The following CNTRL variants were observed in gnomAD, a reference collection of about 807,000 sequenced individuals.
The protein encoded by CNTRL is centriolin, also known as 110 kDa centrosomal protein.
Under a neutral mutation model 303.7 loss-of-function variants are expected in CNTRL, and 233 were observed. That is an observed-to-expected ratio of 0.77 (90% CI 0.69 to 0.86). CNTRL has a LOEUF of 0.86. Among genes scored for constraint, CNTRL ranks in the 40% least tolerant of loss-of-function variants. The pLI is 0.00. For missense variants in CNTRL, 2,524 were observed against 2,650.6 expected, an observed-to-expected ratio of 0.95 and a Z score of 1.05; for synonymous variants, 900 against 922.2, an observed-to-expected ratio of 0.98 and a Z score of 0.44.
chr9:121,134,371 A>G (rs1009634971), intron 14 of CNTRL, among the ~76,000 whole-genome samples: 6 of 151,278 alleles, frequency 4.0e-5, no homozygotes, highest in African/African-American at 1.5e-4. Flanking sequence ...GCTCACTGCA[A>G]CCTCCGCCTC....
At chr9:121,134,760 T>C (rs556796289) in intron 14 of CNTRL, among the ~76,000 whole-genome samples, 1 of 152,352 alleles carries the variant, frequency 6.6e-6, no homozygotes, top group South Asian at 2.1e-4. Flanking sequence ...CTTGTATCTC[T>C]ATGTTCTATG....
chr9:121,125,896 A>C lies in CNTRL; in HGVS notation c.1985A>C (p.Gln662Pro). 1.2e-6 allele frequency: 2 copies of C among 1,614,232 alleles called. No individual in the cohort carries two copies. The highest frequency in any genetic ancestry group is 1.7e-6 in the Non-Finnish European group (2 of 1,180,026). ...ACAGAAGTCGAGCAGGAGAGAGACCAGCTGGAAATAGTTGCCATGGATGCA... is the reference window on the plus strand; with the variant it reads ...ACAGAAGTCGAGCAGGAGAGAGACCCGCTGGAAATAGTTGCCATGGATGCA... ...RLTEVEQERD[Q>P]LEIVAMDAEN... Residue 662 changes from glutamine to proline, a missense_variant, in exon 14 of 44, where the codon CAG becomes CCG. Gln to Pro is a moderately conservative substitution (Grantham distance 76). Transcript: ENST00000373855.
Position 121,167,650 on chromosome 9 carries a change from C to T in CNTRL, c.5817C>T (p.Asn1939=), listed in dbSNP as rs1273668495. 8.1e-6 allele frequency: 13 copies of T among 1,613,948 alleles called. No individual in the cohort carries two copies. The highest frequency in any genetic ancestry group is 6.7e-5 in the African/African-American group (5 of 74,930). ...TGCTTCAGAATGAGATTGAAGAAAA[C>T]AAGCTCAAACTAGTCCAACAAGAAA... The part of the protein sequence containing the change: ...LQVLQNEIEE[N]KLKLVQQEMM... The change falls in exon 37 of 44, where the codon AAC becomes AAT. Residue 1939 remains asparagine, a synonymous_variant. Coordinates refer to ENST00000373855, the MANE Select transcript of CNTRL (RefSeq NM_007018.6).
chr9:121,122,024 T>TAAAA, intron 12 of CNTRL: 1 of 677,962 alleles, frequency 1.5e-6, no homozygotes, highest in Non-Finnish European at 1.8e-6. Flanking sequence ...TTCCTGTTTT[T>TAAAA]ACAATAACTC....
intron 8 of CNTRL, among the ~76,000 whole-genome samples, chr9:121,110,100 T>C (rs375116478): frequency 6.6e-6 from 1 of 152,294 alleles, no homozygotes; most frequent in East Asian, 1.9e-4. Context: ...GGCCAATTAA[T>C]GTATAAAAGA....
chr9:121,147,264 A>G (rs1480084825), intron 23 of CNTRL, among the ~76,000 whole-genome samples: 1 of 152,108 alleles, frequency 6.6e-6, no homozygotes, highest in African/African-American at 2.4e-5. Flanking sequence ...TGGCCTCCCA[A>G]AGTTCTGGGA....
rs1260748351 is a variant in CNTRL, at chr9:121,165,170, C to T, written c.5581+70C>T. 21 of 1,397,516 alleles carry T rather than the reference C, an allele frequency of 1.5e-5. No homozygotes were observed. The East Asian group carries it at 1.7e-4, about 12-fold the overall frequency. 86.6% of individuals were successfully genotyped at this position (1,397,516 alleles called of 1,614,324 possible). ...TCGTTAGATTCTTTGATTTTTCTTA[C>T]GACAAGTAATTCCTGCTAATGAGCA... On this transcript the variant is annotated intron_variant, in intron 35 of 43. Coordinates refer to ENST00000373855, the MANE Select transcript of CNTRL (RefSeq NM_007018.6).
intron 20 of CNTRL, 30 bp from the exon 21 acceptor site, chr9:121,144,813 G>T (rs1219905036): frequency 4.0e-6 from 6 of 1,507,564 alleles, no homozygotes; most frequent in Non-Finnish European, 4.6e-6. Flanking sequence ...TGATAGCAGT[G>T]GTGCCTTTCT....
At position 121,088,527 on chromosome 9, in the gene CNTRL, C is replaced by T; in HGVS notation, c.201C>T (p.Asp67=). The T allele has an allele frequency of 6.2e-7, 1 of 1,600,484 alleles. No homozygotes were observed. Among genetic ancestry groups the T allele is most frequent in the Non-Finnish European group, 8.6e-7 (1 of 1,167,770 alleles). ...CAGATGAAAACAATATGCTTTTGGA[C>T]TATCAAGACCATAAAGGTATCACTT... The part of the protein sequence containing the change: ...EIADENNMLL[D]YQDHKGADSH... The change falls in exon 3 of 44, where the codon GAC becomes GAT. Residue 67 remains aspartate, a synonymous_variant. Transcript: ENST00000373855.
chr9:121,157,978 T>C lies in CNTRL; in HGVS notation c.4638-5T>C. ...ATCTGCTCTAGTGTTGCTGGTGCTT[T>C]GTAGGCTTCAGAAACTACAGAAAGA... On this transcript the variant is annotated splice_polypyrimidine_tract_variant and splice_region_variant and intron_variant, in intron 29 of 43. Coordinates refer to ENST00000373855, the MANE Select transcript of CNTRL (RefSeq NM_007018.6). 6.2e-7 allele frequency: 1 copy of C among 1,614,146 alleles called. No homozygotes were observed. Among genetic ancestry groups the C allele is most frequent in the Non-Finnish European group, 8.5e-7 (1 of 1,179,988 alleles).
chr9:121,140,438 G>C (rs559450811), intron 16 of CNTRL, among the ~76,000 whole-genome samples: 29 of 152,334 alleles, frequency 1.9e-4, no homozygotes, highest in African/African-American at 7.0e-4. Flanking sequence ...CATGTTAATT[G>C]CATTCTAAAT....
chr9:121,149,916 AAATT>A (rs768075974), intron 24 of CNTRL, among the ~76,000 whole-genome samples: 1 of 152,260 alleles, frequency 6.6e-6, no homozygotes, highest in Non-Finnish European at 1.5e-5. Context: ...ATTAATGAAT[AAATT>A]AGCAAATGCA....
intron 2 of CNTRL, among the ~76,000 whole-genome samples, chr9:121,083,254 T>C (rs2048215961): frequency 6.6e-6 from 1 of 152,244 alleles, no homozygotes; most frequent in African/African-American, 2.4e-5. Flanking sequence ...TTATAAACTT[T>C]AAACTTTTTA....
intron 5 of CNTRL, among the ~76,000 whole-genome samples, chr9:121,095,794 G>C (rs2048866796): frequency 6.6e-6 from 1 of 152,192 alleles, no homozygotes; most frequent in Admixed American, 6.5e-5. Flanking sequence ...TATTTACCCA[G>C]TGTAGATAGA....
rs2048429863 is a variant in CNTRL, at chr9:121,088,403, C to G, written c.77C>G (p.Ser26Cys). The G allele has an allele frequency of 6.2e-7, 1 of 1,612,814 alleles. No individual in the cohort carries two copies. Among genetic ancestry groups the G allele is most frequent in the Non-Finnish European group, 8.5e-7 (1 of 1,178,792 alleles). ...TCATCTCACTCTCCTATCCCATCATCTATGTCCAATATGAGATCTAGGTCA... is the reference window on the plus strand; with the variant it reads ...TCATCTCACTCTCCTATCCCATCATGTATGTCCAATATGAGATCTAGGTCA... ...PSSSHSPIPS[S>C]MSNMRSRSLS... The change falls in exon 3 of 44, where the codon TCT becomes TGT. Residue 26 changes from serine (S) to cysteine (C), a missense_variant. Transcript: ENST00000373855.
At chr9:121,084,637 C>T (rs933553741) in intron 2 of CNTRL, among the ~76,000 whole-genome samples, 13 of 151,970 alleles carry the variant, frequency 8.6e-5, no homozygotes, top group Non-Finnish European at 1.6e-4. Context: ...CTCCGCCTCC[C>T]AGGTTCAAGC....
At position 121,169,814 on chromosome 9, in the gene CNTRL, C is replaced by T. The variant is rs1302898243; in HGVS notation, c.6274C>T (p.Leu2092Phe). The change falls in exon 39 of 44, where the codon CTT becomes TTT. Residue 2092 changes from leucine (L) to phenylalanine (F), a missense_variant and splice_region_variant. By Grantham distance (22) the Leu-to-Phe change is conservative. Coordinates refer to ENST00000373855, the MANE Select transcript of CNTRL (RefSeq NM_007018.6). ...IQRSQLEKNL[L>F]EQKQENSCIQ... The stretch of plus-strand genomic sequence containing the variant: ...GCGGAGCCAGCTGGAGAAAAACCTT[C>T]TTGTGAGTACCTGCTGCCGTGGCAG... 2.5e-6 allele frequency: 4 copies of T among 1,613,292 alleles called. No homozygotes were observed. The East Asian group carries it at 8.9e-5, about 36-fold the overall frequency.
At position 121,098,471 on chromosome 9, in the gene CNTRL, A is replaced by G. The variant is rs150932215; in HGVS notation, c.707A>G (p.Tyr236Cys). Residue 236 changes from tyrosine to cysteine, a missense_variant, in exon 7 of 44, where the codon TAC (tyrosine) becomes TGC (cysteine). Transcript: ENST00000373855. Reference sequence around the variant, plus strand: ...AATCCAGTTGTGACCCTTCCTCATTACCTCCAGTTTACCATTTTCCACCTC... The same window carrying G: ...AATCCAGTTGTGACCCTTCCTCATTGCCTCCAGTTTACCATTTTCCACCTC... ...VENPVVTLPH[Y>C]LQFTIFHLRS... is the part of the protein sequence containing the mutation. 482 of 1,613,712 alleles carry G rather than the reference A, an allele frequency of 3.0e-4. No individual in the cohort carries two copies. Among genetic ancestry groups the G allele is most frequent in the Non-Finnish European group, 3.8e-4 (448 of 1,179,708 alleles).
At chr9:121,166,058 C>G in intron 35 of CNTRL, 49 bp from the exon 36 acceptor site, 1 of 1,367,030 alleles carries the variant, frequency 7.3e-7, no homozygotes, top group Non-Finnish European at 1.0e-6. Context: ...GGAATCTGTA[C>G]AGTAAATACG....
Sources: gnomAD v4.1 joint callset for allele counts (sites outside exome capture counted in the v4.1 genomes callset) on GRCh38, gnomAD v4.1.1 for gene constraint, MANE v1.5 for transcripts, NCBI Gene and HGNC (gene_info 2026-07-23, HGNC 2026-07-21) for gene names.